Variants in DCAF1 observed in about 807,000 individuals in gnomAD.
DCAF1 encodes DDB1 and CUL4 associated factor 1, also known as DDB1- and CUL4-associated factor 1.
DCAF1 carries 15 observed loss-of-function variants against 128.0 expected under a neutral mutation model. That is an observed-to-expected ratio of 0.12 (90% confidence interval 0.08 to 0.18). The LOEUF (loss-of-function observed/expected upper bound fraction) is 0.18, where lower values mean the gene tolerates loss of function less well. Among genes scored for constraint, DCAF1 ranks in the 10% least tolerant of loss-of-function variants. The pLI is 1.00. For missense variants in DCAF1, 988 were observed against 1,649.5 expected (o/e 0.60, Z 6.95); for synonymous variants, 610 against 603.0 (o/e 1.01, Z -0.17).
In DCAF1 at chr3:51,404,578, T is replaced by G. The variant is rs115352695; in HGVS notation, c.4213-1183A>C. Among the ~76,000 whole-genome samples the G allele has an allele frequency of 7.1e-4, 108 of 152,364 alleles. 1 individual carries two copies. Among genetic ancestry groups the G allele is most frequent in the African/African-American group, 2.6e-3 (107 of 41,590 alleles). ...AGGGTAGCTCCGCTTTGTGGACTTCTGGTAATTTTGGAACCACCATTAGTG... is the reference window on the plus strand; with the variant it reads ...AGGGTAGCTCCGCTTTGTGGACTTCGGGTAATTTTGGAACCACCATTAGTG... On this transcript the variant is annotated intron_variant, in intron 23 of 24. Transcript: ENST00000684031.
upstream of DCAF1, among the ~76,000 whole-genome samples, chr3:51,503,033 C>T (rs548257821): frequency 5.9e-5 from 9 of 152,200 alleles, no homozygotes; most frequent in Non-Finnish European, 1.0e-4. Context: ...ACAATCCAGG[C>T]CCACACACCT....
chr3:51,422,070 A>T (rs1178602498), intron 14 of DCAF1, among the ~76,000 whole-genome samples: 5 of 150,178 alleles, frequency 3.3e-5, no homozygotes, highest in African/African-American at 7.4e-5. Flanking sequence ...TACTAGCATG[A>T]CTCCCTTACA....
intron 13 of DCAF1, among the ~76,000 whole-genome samples, chr3:51,423,789 G>A (rs1478525559): frequency 3.4e-5 from 5 of 146,162 alleles, no homozygotes; most frequent in East Asian, 2.0e-4. Context: ...CACTGCACTC[G>A]AGCTTGGTCA....
At chr3:51,502,513 T>C (rs756172267), upstream of DCAF1, among the ~76,000 whole-genome samples, 10 of 152,044 alleles carry the variant, frequency 6.6e-5, no homozygotes, top group Non-Finnish European at 1.2e-4. Context: ...GCTGTCATTG[T>C]GCCACTGCAC....
intron 6 of DCAF1, among the ~76,000 whole-genome samples, chr3:51,452,814 C>T (rs1702487382): frequency 6.6e-6 from 1 of 152,000 alleles, no homozygotes; most frequent in Non-Finnish European, 1.5e-5. Flanking sequence ...GAATTCAAGA[C>T]CAGCCTGGCC....
chr3:51,439,820 T>C (rs1701199560), intron 9 of DCAF1, among the ~76,000 whole-genome samples: 1 of 151,506 alleles, frequency 6.6e-6, no homozygotes, highest in Admixed American at 6.6e-5. Flanking sequence ...GGTGAAACCC[T>C]ATCTCTACTA....
chr3:51,483,648 T>C, intron 3 of DCAF1, 71 bp downstream of exon 3: 1 of 985,058 alleles, frequency 1.0e-6, no homozygotes, highest in Non-Finnish European at 1.6e-6. Flanking sequence ...TGTGTGTGTA[T>C]GAAGAAATCT....
At chr3:51,419,178 T>C (rs1699168422) in intron 15 of DCAF1, among the ~76,000 whole-genome samples, 1 of 151,956 alleles carries the variant, frequency 6.6e-6, no homozygotes, top group Non-Finnish European at 1.5e-5. Flanking sequence ...CTGGCCAACA[T>C]GGTAAAACCC....
upstream of DCAF1, among the ~76,000 whole-genome samples, chr3:51,504,120 C>T (rs537149993): frequency 5.9e-5 from 9 of 151,324 alleles, no homozygotes; most frequent in Admixed American, 1.3e-4. Context: ...TCACCGCAAG[C>T]TCCGCCTCCT....
the DCAF1 span, among the ~76,000 whole-genome samples, chr3:51,505,314 A>G: frequency 6.6e-6 from 1 of 152,124 alleles, no homozygotes; most frequent in African/African-American, 2.4e-5. Flanking sequence ...TTAAATTAAA[A>G]AAAGAGAGGG....
At chr3:51,443,713 C>A (rs547987175) in intron 7 of DCAF1, 53 bp downstream of exon 7, 12 of 1,492,442 alleles carry the variant, frequency 8.0e-6, no homozygotes, top group Non-Finnish European at 9.8e-6. Context: ...GTAACAAGAA[C>A]CTGTGAATAC....
chr3:51,504,036 ATTTTTTTTTTT>A (rs559346586), upstream of DCAF1, among the ~76,000 whole-genome samples: 1 of 130,260 alleles, frequency 7.7e-6, no homozygotes, highest in East Asian at 2.2e-4. Flanking sequence ...GCCCCTGAAC[ATTTTTTTTTTT>A]TTTTTTTTGA....
At chr3:51,416,433 T>G (rs1282427425) in intron 18 of DCAF1, among the ~76,000 whole-genome samples, 1 of 152,208 alleles carries the variant, frequency 6.6e-6, no homozygotes, top group Non-Finnish European at 1.5e-5. Context: ...CCTCTTACCC[T>G]GCTTTCATTT....
At chr3:51,477,389 G>A (rs1177349828) in intron 3 of DCAF1, among the ~76,000 whole-genome samples, 3 of 151,412 alleles carry the variant, frequency 2.0e-5, no homozygotes, top group African/African-American at 7.3e-5. Context: ...ATTTGGTGAA[G>A]GAGGGAAGTT....
intron 2 of DCAF1, among the ~76,000 whole-genome samples, chr3:51,493,736 A>C (rs1008123024): frequency 6.6e-6 from 1 of 152,050 alleles, no homozygotes; most frequent in African/African-American, 2.4e-5. Context: ...GGTGGCTCAC[A>C]CCTGTAACCC....
At position 51,433,142 on chromosome 3, in the gene DCAF1, C is replaced by T. The variant is rs1242847254; in HGVS notation, c.1251G>A (p.Leu417=). 1 of 398,366 alleles carries T rather than the reference C, an allele frequency of 2.5e-6. No homozygotes were observed. The highest frequency in any genetic ancestry group is 4.4e-6 in the Non-Finnish European group (1 of 226,058). The allele number at this position is 398,366 out of a possible 1,614,324, so 24.7% of individuals were successfully genotyped here. A position where few individuals can be genotyped will look rare whatever the true frequency, so the allele number is the denominator to read the frequency against. ...SMAATGVSMC[L]YYLSYNQDAM... ...CATCCTGATTGTAGGATAGGTAATACAAACACATAGACACACCGGTTGCAG... is the reference window on the plus strand; with the variant it reads ...CATCCTGATTGTAGGATAGGTAATATAAACACATAGACACACCGGTTGCAG... Residue 417 remains leucine, a synonymous_variant, in exon 10 of 25, where the codon TTG becomes TTA. Coordinates refer to ENST00000684031, the MANE Select transcript of DCAF1 (RefSeq NM_001387579.1).
rs1553630536 is a variant in DCAF1, at chr3:51,416,805, T to G, written c.3585A>C (p.Thr1195=). ...SKHSQDRVIG[T]KGDIAHIYDI... ...TACTTACGTGGGCAATGTCTCCTTT[T>G]GTGCCGATGACCCGATCCTGGGAGT... Residue 1195 remains threonine (T), a synonymous_variant, in exon 18 of 25, where the codon ACA becomes ACC. Coordinates refer to ENST00000684031, the MANE Select transcript of DCAF1 (RefSeq NM_001387579.1). The G allele has an allele frequency of 1.2e-6, 2 of 1,611,698 alleles. No homozygotes were observed. Among genetic ancestry groups the G allele is most frequent in the Non-Finnish European group, 1.7e-6 (2 of 1,178,852 alleles).
At chr3:51,458,883 C>CTT (rs1703221517) in intron 6 of DCAF1, among the ~76,000 whole-genome samples, 1 of 152,142 alleles carries the variant, frequency 6.6e-6, no homozygotes, top group South Asian at 2.1e-4. Context: ...AAAGACAAAA[C>CTT]ATACCAGAAT....
At chr3:51,432,917 C>T (rs1001804103) in intron 10 of DCAF1, among the ~76,000 whole-genome samples, 189 bp downstream of exon 10, 1 of 152,170 alleles carries the variant, frequency 6.6e-6, no homozygotes, top group Non-Finnish European at 1.5e-5. Context: ...AAAATAGAAC[C>T]ATTTCTAAAC....
Sources: allele counts gnomAD v4.1 joint callset (sites outside exome capture counted in the v4.1 genomes callset), GRCh38; gene constraint gnomAD v4.1.1; transcripts MANE v1.5; gene names NCBI Gene and HGNC (gene_info 2026-07-23, HGNC 2026-07-21).